Variants in GDPD4 observed in about 807,000 individuals in gnomAD.
GDPD4 encodes the protein glycerophosphodiester phosphodiesterase 6.
In GDPD4, 60 loss-of-function variants were observed where a neutral mutation model predicts 67.8. The ratio of observed to expected loss-of-function variants is 0.88; its 90% CI spans 0.72 to 1.10. The LOEUF is 1.10. GDPD4 is among the 50% of genes least tolerant of loss of function. The pLI, the probability that GDPD4 is intolerant of heterozygous loss-of-function variation, is 0.00. For missense variants in GDPD4, 623 were observed against 613.9 expected, an observed-to-expected ratio of 1.01 and a Z score of -0.16; for synonymous variants, 212 against 210.9, an observed-to-expected ratio of 1.00 and a Z score of -0.04.
intron 16 of GDPD4, among the ~76,000 whole-genome samples, chr11:77,222,546 T>C (rs1468310189): frequency 3.9e-5 from 6 of 152,238 alleles, no homozygotes. Flanking sequence ...TTTAAGAATG[T>C]TGAATATTGG....
In GDPD4 at chr11:77,216,947, G is replaced by A. The variant is rs1958131745; in HGVS notation, c.*330C>T. 1 of 702,444 alleles carries A rather than the reference G, an allele frequency of 1.4e-6. No individual in the cohort carries two copies. Among genetic ancestry groups the A allele is most frequent in the Non-Finnish European group, 2.6e-6 (1 of 384,896 alleles). 43.5% of individuals were successfully genotyped at this position (702,444 alleles called of 1,614,324 possible). A position where few individuals can be genotyped will look rare whatever the true frequency, so the allele number is the denominator to read the frequency against. On this transcript the variant is annotated 3_prime_UTR_variant, in exon 17 of 17. Coordinates refer to ENST00000315938, the MANE Select transcript of GDPD4 (RefSeq NM_182833.3). ...TTAGAGGTCTCTTATTTAAGGATAG[G>A]GGACCTCTATGGAGGGCATGGTTGG... is the stretch of plus-strand genomic sequence containing the variant.
intron 16 of GDPD4, among the ~76,000 whole-genome samples, chr11:77,217,764 AT>A (rs1357118349): frequency 6.6e-6 from 1 of 152,230 alleles, no homozygotes; most frequent in Non-Finnish European, 1.5e-5. Flanking sequence ...AGAAAAAAAA[AT>A]TAGATGGTAG....
At chr11:77,241,284 T>C (rs1166060357) in intron 13 of GDPD4, among the ~76,000 whole-genome samples, 1 of 152,090 alleles carries the variant, frequency 6.6e-6, no homozygotes, top group Non-Finnish European at 1.5e-5. Flanking sequence ...TGTGAAAACA[T>C]GGTTGAGCAT....
At chr11:77,252,057 T>TG (rs1565523224) in intron 11 of GDPD4, among the ~76,000 whole-genome samples, 1 of 91,732 alleles carries the variant, frequency 1.1e-5, no homozygotes, top group Non-Finnish European at 2.7e-5. Context: ...TTTGTTTGTT[T>TG]TTTTTTTGTT....
intron 16 of GDPD4, chr11:77,224,260 A>T (rs1004640077): frequency 1.4e-4 from 21 of 152,154 alleles, no homozygotes; most frequent in African/African-American, 4.8e-4. Context: ...TGCAGAAATC[A>T]CCCGTCTTCT....
intron 1 of GDPD4, among the ~76,000 whole-genome samples, chr11:77,288,945 C>A (rs1303946973): frequency 6.9e-6 from 1 of 145,436 alleles, no homozygotes; most frequent in Non-Finnish European, 1.5e-5. Context: ...TGAGATAATT[C>A]AATAAGGAGA....
At chr11:77,251,351 A>G (rs1258788727) in intron 11 of GDPD4, among the ~76,000 whole-genome samples, 5 of 151,396 alleles carry the variant, frequency 3.3e-5, no homozygotes, top group African/African-American at 1.2e-4. Flanking sequence ...GGTGATTATC[A>G]CCTTTTTGCT....
intron 1 of GDPD4, among the ~76,000 whole-genome samples, chr11:77,290,910 C>CGT (rs1937750371): frequency 6.6e-6 from 1 of 152,188 alleles, no homozygotes; most frequent in Non-Finnish European, 1.5e-5. Context: ...CACTCTTACA[C>CGT]ACTGTTGGTG....
At chr11:77,281,994 T>C (rs1959775225) in intron 3 of GDPD4, among the ~76,000 whole-genome samples, 1 of 152,064 alleles carries the variant, frequency 6.6e-6, no homozygotes, top group African/African-American at 2.4e-5. Flanking sequence ...AAAGTAAATA[T>C]GTAGGTAAAT....
chr11:77,227,949 G>T, intron 15 of GDPD4, 33 bp from the exon 16 acceptor site: 2 of 1,470,410 alleles, frequency 1.4e-6, no homozygotes, highest in South Asian at 1.1e-5. Context: ...TGAAATGAAG[G>T]GGTCTAAAGA....
At chr11:77,300,774 C>T (rs1231075393) in intron 1 of GDPD4, among the ~76,000 whole-genome samples, 1 of 152,112 alleles carries the variant, frequency 6.6e-6, no homozygotes, top group East Asian at 1.9e-4. Context: ...ACAAATTGCA[C>T]ATTTGGGAAT....
At chr11:77,228,679 C>A (rs778776389) in intron 15 of GDPD4, among the ~76,000 whole-genome samples, 9 of 151,954 alleles carry the variant, frequency 5.9e-5, no homozygotes, top group African/African-American at 2.2e-4. Flanking sequence ...TAGACTGAGA[C>A]CCCATCTCAA....
chr11:77,247,953 G>A (rs1958810358), intron 11 of GDPD4, among the ~76,000 whole-genome samples: 1 of 148,986 alleles, frequency 6.7e-6, no homozygotes. Flanking sequence ...TTGGGAGGCT[G>A]AGGCAGGAGA....
Position 77,243,773 on chromosome 11 carries a change from C to T in GDPD4, c.1162G>A (p.Val388Ile). The T allele has an allele frequency of 1.2e-6, 2 of 1,612,940 alleles. No individual in the cohort carries two copies. Among genetic ancestry groups the T allele is most frequent in the Non-Finnish European group, 1.7e-6 (2 of 1,178,922 alleles). The change falls in exon 13 of 17, where the codon GTA becomes ATA. Residue 388 changes from valine to isoleucine, a missense_variant. Val to Ile is a conservative substitution (Grantham distance 29). Coordinates refer to ENST00000315938, the MANE Select transcript of GDPD4 (RefSeq NM_182833.3). ...TTTTTAGCAAGGGTTTCAATGGATA[C>T]TAAACGGCCCACATGCTGAAAACCA... Reference protein sequence around the residue: ...APGFQHVGRLVSIETLAKNNI... With the variant: ...APGFQHVGRLISIETLAKNNI...
intron 10 of GDPD4, among the ~76,000 whole-genome samples, chr11:77,267,501 G>A (rs773518594): frequency 4.6e-5 from 7 of 152,130 alleles, no homozygotes; most frequent in African/African-American, 7.2e-5. Context: ...TAGCCATACC[G>A]ATAGATGAGT....
intron 13 of GDPD4, among the ~76,000 whole-genome samples, chr11:77,242,117 C>T (rs2135841455): frequency 6.6e-6 from 1 of 151,970 alleles, no homozygotes; most frequent in African/African-American, 2.4e-5. Flanking sequence ...AGATCTATTG[C>T]ACAGCAGGGT....
In GDPD4 at chr11:77,285,295, C is replaced by A. The variant is rs1959950094; in HGVS notation, c.-50-108G>T. On this transcript the variant is annotated intron_variant, in intron 2 of 16. Transcript: ENST00000315938. Reference sequence around the variant, plus strand: ...AGCATAGTTGCACTGCCATGCATTACCCTCCTGAGGCTGGAGTGATCACTC... The same window carrying A: ...AGCATAGTTGCACTGCCATGCATTAACCTCCTGAGGCTGGAGTGATCACTC... 3 of 620,306 alleles carry A rather than the reference C, an allele frequency of 4.8e-6. No homozygotes were observed. In the South Asian group the frequency reaches 6.0e-5, roughly 12 times the overall value. 38.4% of individuals were successfully genotyped at this position (620,306 alleles called of 1,614,324 possible).
At chr11:77,255,459 G>A (rs1958985473) in intron 11 of GDPD4, among the ~76,000 whole-genome samples, 3 of 152,060 alleles carry the variant, frequency 2.0e-5, no homozygotes, top group Admixed American at 2.0e-4. Context: ...AGCTATTCAG[G>A]AGGCTGAAGG....
intron 4 of GDPD4, among the ~76,000 whole-genome samples, chr11:77,277,859 T>C (rs1261464046): frequency 1.3e-5 from 2 of 152,038 alleles, no homozygotes; most frequent in African/African-American, 4.8e-5. Context: ...TCCTGCTTTC[T>C]CTTGTGGACA....
Sources: gnomAD v4.1 joint callset for allele counts (sites outside exome capture counted in the v4.1 genomes callset) on GRCh38, gnomAD v4.1.1 for gene constraint, MANE v1.5 for transcripts, NCBI Gene and HGNC (gene_info 2026-07-23, HGNC 2026-07-21) for gene names.